ESR1: variants seen among roughly 807,000 people sequenced by gnomAD.
The protein encoded by ESR1 is estrogen receptor 1.
In ESR1, 12 loss-of-function variants were observed where a neutral mutation model predicts 52.7. The ratio of observed to expected loss-of-function variants is 0.23; its 90% CI spans 0.15 to 0.37. The LOEUF (loss-of-function observed/expected upper bound fraction) is 0.37, where lower values mean the gene tolerates loss of function less well. Ranked by LOEUF, ESR1 falls within the 10% of genes least tolerant of loss-of-function variation. The pLI is 1.00. For missense variants in ESR1, 584 were observed against 779.7 expected (o/e 0.75, Z 2.99); for synonymous variants, 305 against 316.8 (o/e 0.96, Z 0.39).
chr6:151,749,333 G>A (rs951015044), intron 2 of ESR1, among the ~76,000 whole-genome samples: 12 of 151,988 alleles, frequency 7.9e-5, no homozygotes, highest in African/African-American at 2.7e-4. Flanking sequence ...AAAAATGAAA[G>A]GTTTTGACAC....
At chr6:151,689,922 A>G (rs1027727466), upstream of ESR1, among the ~76,000 whole-genome samples, 1 of 152,122 alleles carries the variant, frequency 6.6e-6, no homozygotes, top group African/African-American at 2.4e-5. Context: ...AGTGTTAAAC[A>G]AACAATCAAT....
At chr6:151,969,258 T>C (rs2038646144) in intron 4 of ESR1, among the ~76,000 whole-genome samples, 1 of 152,198 alleles carries the variant, frequency 6.6e-6, no homozygotes, top group Non-Finnish European at 1.5e-5. Context: ...TTAAAAAATA[T>C]TTTATATTTA....
chr6:151,927,441 G>A (rs1192832326), intron 3 of ESR1, among the ~76,000 whole-genome samples: 1 of 152,144 alleles, frequency 6.6e-6, no homozygotes, highest in Admixed American at 6.5e-5. Flanking sequence ...AGATTTGTTA[G>A]AAGTAATCTT....
chr6:151,690,471 T>C (rs1440118161), upstream of ESR1: 1 of 152,224 alleles, frequency 6.6e-6, no homozygotes, highest in Non-Finnish European at 1.5e-5. Context: ...TTCTTTATTT[T>C]TGAGTTACTG....
intron 3 of ESR1, among the ~76,000 whole-genome samples, chr6:151,924,726 T>A (rs1263967862): frequency 6.6e-6 from 1 of 152,218 alleles, no homozygotes; most frequent in African/African-American, 2.4e-5. Context: ...CTAAGGATAA[T>A]GTCCTCCAGC....
At chr6:151,863,856 A>T (rs1789346407) in intron 2 of ESR1, among the ~76,000 whole-genome samples, 1 of 152,226 alleles carries the variant, frequency 6.6e-6, no homozygotes, top group Non-Finnish European at 1.5e-5. Context: ...CTGGCTAGCC[A>T]TATGTAGAAA....
At chr6:151,988,279 G>A (rs1477589846) in intron 4 of ESR1, among the ~76,000 whole-genome samples, 2 of 152,062 alleles carry the variant, frequency 1.3e-5, no homozygotes, top group Non-Finnish European at 2.9e-5. Context: ...CAGATTATCA[G>A]GCATTAGATT....
chr6:152,016,708 T>G (rs2128800831), intron 5 of ESR1, among the ~76,000 whole-genome samples: 1 of 152,298 alleles, frequency 6.6e-6, no homozygotes, highest in Admixed American at 6.5e-5. Flanking sequence ...CCCATCACAT[T>G]GTACATAGTA....
chr6:151,674,739 T>C (rs1778194901), intron 1 of ESR1, among the ~76,000 whole-genome samples: 3 of 152,248 alleles, frequency 2.0e-5, no homozygotes. Context: ...CGTGAGACGG[T>C]ATTTCATTGT....
chr6:152,034,060 A>G (rs867541386), intron 5 of ESR1, among the ~76,000 whole-genome samples: 18 of 147,644 alleles, frequency 1.2e-4, no homozygotes, highest in East Asian at 1.1e-3. Context: ...CAAACACCAC[A>G]TGTTCTCACT....
chr6:151,722,333 A>G (rs1781518661), intron 2 of ESR1, among the ~76,000 whole-genome samples: 1 of 152,218 alleles, frequency 6.6e-6, no homozygotes, highest in Non-Finnish European at 1.5e-5. Flanking sequence ...CAGGGAAGAA[A>G]CACGGTGAAA....
At chr6:152,000,441 G>T (rs1306501766) in intron 4 of ESR1, among the ~76,000 whole-genome samples, 2 of 151,940 alleles carry the variant, frequency 1.3e-5, no homozygotes, top group Non-Finnish European at 2.9e-5. Flanking sequence ...ACTCTAAGAA[G>T]GTAGTCAACA....
intron 3 of ESR1, among the ~76,000 whole-genome samples, chr6:151,919,146 G>A (rs143688449): frequency 5.9e-4 from 90 of 152,298 alleles, no homozygotes; most frequent in African/African-American, 2.1e-3. Flanking sequence ...AAGTGTAACA[G>A]ATATTCTGGA....
intron 2 of ESR1, among the ~76,000 whole-genome samples, chr6:151,764,608 A>G (rs1784906731): frequency 6.6e-6 from 1 of 152,210 alleles, no homozygotes. Context: ...GAATTTCTTT[A>G]CAATGTGTGC....
chr6:151,858,555 A>T (rs1029877098), intron 2 of ESR1, among the ~76,000 whole-genome samples: 5 of 149,062 alleles, frequency 3.4e-5, no homozygotes, highest in African/African-American at 1.2e-4. Flanking sequence ...GTCCTGACCC[A>T]TTACCCTGCC....
At chr6:151,959,638 G>A (rs1680152223) in intron 4 of ESR1, among the ~76,000 whole-genome samples, 1 of 152,134 alleles carries the variant, frequency 6.6e-6, no homozygotes, top group African/African-American at 2.4e-5. Flanking sequence ...CATGGGTGGT[G>A]AATCTGAGAT....
intron 4 of ESR1, among the ~76,000 whole-genome samples, chr6:151,953,866 C>T (rs572418602): frequency 8.8e-4 from 134 of 152,238 alleles, no homozygotes; most frequent in African/African-American, 3.2e-3. Context: ...TTGTTTCATA[C>T]CACTTTTATG....
chr6:151,787,546 G>C (rs373692817), intron 2 of ESR1, among the ~76,000 whole-genome samples: 9 of 152,054 alleles, frequency 5.9e-5, no homozygotes, highest in African/African-American at 1.9e-4. Context: ...AGTTCTTCTT[G>C]TAGAGAATTT....
At chr6:152,067,827 C>CA (rs1294012984) in intron 6 of ESR1, among the ~76,000 whole-genome samples, 1 of 152,092 alleles carries the variant, frequency 6.6e-6, no homozygotes, top group Non-Finnish European at 1.5e-5. Flanking sequence ...AACTCCATCT[C>CA]AAAAAATTTT....
Sources: allele counts gnomAD v4.1 joint callset (sites outside exome capture counted in the v4.1 genomes callset), GRCh38; gene constraint gnomAD v4.1.1; transcripts MANE v1.5; gene names NCBI Gene and HGNC (gene_info 2026-07-23, HGNC 2026-07-21).